Variants in MCF2 observed in about 807,000 individuals in gnomAD.
MCF2 encodes the protein MCF.2 cell line derived transforming sequence, also known as proto-oncogene DBL.
Under a neutral mutation model 82.5 loss-of-function variants are expected in MCF2, and 44 were observed. That is an observed-to-expected ratio of 0.53 (90% CI 0.42 to 0.69). The LOEUF (loss-of-function observed/expected upper bound fraction) is 0.69, where lower values mean the gene tolerates loss of function less well. MCF2 is among the 30% of genes least tolerant of loss of function. The pLI is 0.00. For synonymous variants in MCF2, 217 were observed against 224.9 expected (o/e 0.96, Z 0.32); for missense variants, 623 against 663.1 (o/e 0.94, Z 0.66).
chrX:139,633,413 A>G (rs1420792497), intron 1 of MCF2, among the ~76,000 whole-genome samples: 1 of 111,954 alleles, frequency 8.9e-6, no homozygotes, highest in Non-Finnish European at 1.9e-5. Context: ...TTTCATAATA[A>G]TTCTATGAAG....
At chrX:139,595,348 C>A (rs754031976) in intron 19 of MCF2, among the ~76,000 whole-genome samples, 108 of 109,884 alleles carry the variant, frequency 9.8e-4, no homozygotes, top group Non-Finnish European at 1.8e-3. Flanking sequence ...CAATGATAGA[C>A]TGGATTAAGA....
intron 1 of MCF2, among the ~76,000 whole-genome samples, chrX:139,706,951 G>A (rs1276785261): frequency 1.8e-5 from 2 of 110,252 alleles, no homozygotes; most frequent in Non-Finnish European, 3.8e-5. Context: ...AGTAGAGAAT[G>A]TATTCCCCAA....
At chrX:139,689,112 C>T (rs746620513) in intron 1 of MCF2, among the ~76,000 whole-genome samples, 68 of 111,819 alleles carry the variant, frequency 6.1e-4, no homozygotes, top group Non-Finnish European at 1.1e-3. Context: ...CTCTTAATTC[C>T]GCTCAGACCT....
intron 12 of MCF2, among the ~76,000 whole-genome samples, chrX:139,606,904 C>T (rs1482946983): frequency 1.8e-5 from 2 of 110,180 alleles, no homozygotes; most frequent in African/African-American, 3.3e-5. Flanking sequence ...CTCATACATA[C>T]ATATGTATAC....
In MCF2 at chrX:139,635,898, C is replaced by CA. The variant is rs199578269; in HGVS notation, c.52-3445_52-3444insT. ...CCCACCCTCCACCCTCAAGTAGACC[C>CA]GTGTCTGTTGTTTCCTTCTTTGTGT... On this transcript the variant is annotated intron_variant, in intron 1 of 24. Coordinates refer to ENST00000370576, the Ensembl canonical transcript of MCF2. Among the ~76,000 whole-genome samples the CA allele has an allele frequency of 9.1e-3, 1,000 of 109,979 alleles. 14 individuals are homozygous for CA. The highest frequency in any genetic ancestry group is 0.029 in the African/African-American group (885 of 30,158).
intron 1 of MCF2, among the ~76,000 whole-genome samples, chrX:139,652,244 G>A (rs1934047909): frequency 9.0e-6 from 1 of 111,682 alleles, no homozygotes; most frequent in Admixed American, 9.5e-5. Context: ...GGTAGGTACT[G>A]TTATCCCATT....
In MCF2 at chrX:139,604,718, T is replaced by C. The variant is rs1343052306; in HGVS notation, c.1706A>G (p.His569Arg). ...ACAAGGTCCCACTCTTTCTGGAGCATGAGCACAATTTTCCAGGCTGCTCAA... is the reference window on the plus strand; with the variant it reads ...ACAAGGTCCCACTCTTTCTGGAGCACGAGCACAATTTTCCAGGCTGCTCAA... The change falls in exon 15 of 25, where the codon CAT becomes CGT. Residue 569 changes from histidine to arginine, a missense_variant. By Grantham distance (29) the His-to-Arg change is conservative. Transcript: ENST00000370576. 3 of 1,199,321 alleles carry C rather than the reference T, an allele frequency of 2.5e-6. No homozygotes were observed. The African/African-American group carries it at 5.2e-5, about 21-fold the overall frequency.
At chrX:139,684,875 G>A (rs745437656) in intron 1 of MCF2, among the ~76,000 whole-genome samples, 1 of 111,891 alleles carries the variant, frequency 8.9e-6, no homozygotes, top group South Asian at 3.8e-4. Context: ...TCTTTTTGGG[G>A]TGATGGGAAT....
At chrX:139,674,687 G>C (rs974986680) in intron 1 of MCF2, among the ~76,000 whole-genome samples, 1 of 112,150 alleles carries the variant, frequency 8.9e-6, no homozygotes, top group Admixed American at 9.4e-5. Context: ...TCTGCCGAGA[G>C]ATCTGCTATT....
At chrX:139,637,688 T>G in intron 1 of MCF2, among the ~76,000 whole-genome samples, 1 of 111,667 alleles carries the variant, frequency 9.0e-6, no homozygotes, top group South Asian at 3.8e-4. Flanking sequence ...GTAGGTTCTA[T>G]TTTTGTCCTC....
At chrX:139,623,905 G>A (rs1746409396) in intron 6 of MCF2, among the ~76,000 whole-genome samples, 1 of 111,923 alleles carries the variant, frequency 8.9e-6, no homozygotes, top group African/African-American at 3.2e-5. Context: ...TCACAGCAAA[G>A]ATTTGTCCAG....
At chrX:139,691,846 G>T in intron 1 of MCF2, 1 of 906,159 alleles carries the variant, frequency 1.1e-6, no homozygotes, top group Non-Finnish European at 1.6e-6. Flanking sequence ...GGGCTGGGGA[G>T]GCAGCGGCTG....
At chrX:139,586,293 C>A in intron 23 of MCF2, 85 bp downstream of exon 27, 1 of 679,550 alleles carries the variant, frequency 1.5e-6, no homozygotes, top group Non-Finnish European at 2.3e-6. Context: ...ACAAAAATAC[C>A]AAGTGGGTAG....
intron 1 of MCF2, among the ~76,000 whole-genome samples, chrX:139,671,727 T>C (rs1329370487): frequency 8.9e-6 from 1 of 111,923 alleles, no homozygotes; most frequent in Non-Finnish European, 1.9e-5. Flanking sequence ...CCTTGTAATA[T>C]AGTTTGAAGA....
chrX:139,588,917 G>A (rs1398860213), intron 20 of MCF2, among the ~76,000 whole-genome samples: 3 of 108,547 alleles, frequency 2.8e-5, no homozygotes, highest in African/African-American at 1.0e-4. Context: ...GCAACAGGGT[G>A]AGACGCTGTC....
chrX:139,621,471 G>C (rs1932352329), intron 6 of MCF2, among the ~76,000 whole-genome samples: 1 of 111,283 alleles, frequency 9.0e-6, no homozygotes, highest in Admixed American at 9.6e-5. Flanking sequence ...CTAATATCCA[G>C]AATCTGTAAG....
At chrX:139,689,662 T>TTTTTTTTTTTTTTGAGACG (rs1569402957) in intron 1 of MCF2, among the ~76,000 whole-genome samples, 3 of 108,703 alleles carry the variant, frequency 2.8e-5, no homozygotes, top group African/African-American at 1.0e-4. Flanking sequence ...CTTATTTCCT[T>TTTTTTTTTTTTTTGAGACG]GCCTGGAATA....
upstream of MCF2, among the ~76,000 whole-genome samples, chrX:139,643,791 T>C (rs1301240886): frequency 2.7e-5 from 3 of 111,375 alleles, no homozygotes; most frequent in Non-Finnish European, 5.6e-5. Context: ...TTCTCTTTTA[T>C]GAAAAATAGA....
intron 1 of MCF2, among the ~76,000 whole-genome samples, chrX:139,637,321 A>C (rs1933284797): frequency 9.0e-6 from 1 of 111,216 alleles, no homozygotes; most frequent in Non-Finnish European, 1.9e-5. Flanking sequence ...TAGAAAACTA[A>C]ATCATATAGT....
Sources: gnomAD v4.1 joint callset for allele counts (sites outside exome capture counted in the v4.1 genomes callset) on GRCh38, gnomAD v4.1.1 for gene constraint, MANE v1.5 for transcripts, NCBI Gene and HGNC (gene_info 2026-07-23, HGNC 2026-07-21) for gene names.